Variants in KAZN observed in about 807,000 individuals in gnomAD.
KAZN encodes the protein kazrin.
Under a neutral mutation model 87.4 loss-of-function variants are expected in KAZN, and 40 were observed. That is an observed-to-expected ratio of 0.46 (90% CI 0.36 to 0.60). The LOEUF is 0.60. Among genes scored for constraint, KAZN ranks in the 20% least tolerant of loss-of-function variants. The pLI, the probability that KAZN is intolerant of heterozygous loss-of-function variation, is 0.00. For synonymous variants in KAZN, 466 were observed against 458.3 expected (o/e 1.02, Z -0.22); for missense variants, 898 against 1,073.9 (o/e 0.84, Z 2.29).
intron 2 of KAZN, among the ~76,000 whole-genome samples, chr1:14,566,491 C>T (rs1426885715): frequency 6.6e-6 from 1 of 152,230 alleles, no homozygotes; most frequent in Non-Finnish European, 1.5e-5. Context: ...AAGTCACCAG[C>T]TGCATTAGAT....
intron 1 of KAZN, among the ~76,000 whole-genome samples, chr1:14,057,732 G>A (rs1642633406): frequency 6.6e-6 from 1 of 152,178 alleles, no homozygotes; most frequent in Non-Finnish European, 1.5e-5. Context: ...GTCTGGAAAG[G>A]CAACTCAAAT....
At chr1:13,955,786 G>A (rs1641521600) in intron 1 of KAZN, among the ~76,000 whole-genome samples, 1 of 152,162 alleles carries the variant, frequency 6.6e-6, no homozygotes, top group African/African-American at 2.4e-5. Flanking sequence ...CCTACTATGT[G>A]AACATGACCT....
chr1:15,009,220 A>G (rs1433239320), intron 2 of KAZN, among the ~76,000 whole-genome samples: 1 of 152,208 alleles, frequency 6.6e-6, no homozygotes, highest in Non-Finnish European at 1.5e-5. Context: ...AAGCACGCCC[A>G]GGGTTAGAGC....
chr1:14,619,202 GT>G (rs35156508), intron 1 of KAZN, among the ~76,000 whole-genome samples: 29,850 of 146,044 alleles, frequency 0.2, 3,160 homozygotes, highest in East Asian at 0.26. Context: ...ATCATTCTTG[GT>G]TTTTTTTTTT....
intron 2 of KAZN, among the ~76,000 whole-genome samples, chr1:14,286,320 C>T (rs975109922): frequency 6.6e-6 from 1 of 152,220 alleles, no homozygotes; most frequent in Admixed American, 6.5e-5. Flanking sequence ...TCAGGACCCA[C>T]CCTAGTGACC....
In KAZN at chr1:15,066,537, T is replaced by A. The variant is rs77299536; in HGVS notation, c.1222+784T>A. The A allele has an allele frequency of 6.5e-5, 64 of 985,414 alleles. No individual in the cohort carries two copies. The East Asian group carries it at 5.2e-3, about 80-fold the overall frequency. The allele number at this position is 985,414 out of a possible 1,614,324, so 61.0% of individuals were successfully genotyped here. On this transcript the variant is annotated intron_variant, in intron 8 of 14. Transcript: ENST00000376030. This position sits in a 1 kb window ranked among gnomAD's most constrained non-coding sequence, Gnocchi z 4.3. ...TTAAACGGCCTACCAGTTTTTAAAT[T>A]GCATTGCCGTTTCTTTCTTTATGAA... is the stretch of plus-strand genomic sequence containing the variant.
At chr1:14,619,105 G>A (rs1678487671) in intron 1 of KAZN, among the ~76,000 whole-genome samples, 1 of 152,126 alleles carries the variant, frequency 6.6e-6, no homozygotes, top group South Asian at 2.1e-4. Flanking sequence ...GATTGAGAAT[G>A]CAGGGGTGGA....
At chr1:13,963,756 G>GGTGTGTGTGT (rs1185808187) in intron 1 of KAZN, among the ~76,000 whole-genome samples, 23 of 117,124 alleles carry the variant, frequency 2.0e-4, no homozygotes, top group African/African-American at 7.3e-4. Flanking sequence ...TTTCTGCTGT[G>GGTGTGTGTGT]GTCTGTGTGT....
At chr1:14,664,890 C>T (rs541616332) in intron 1 of KAZN, among the ~76,000 whole-genome samples, 6 of 152,210 alleles carry the variant, frequency 3.9e-5, no homozygotes, top group South Asian at 2.1e-4. Flanking sequence ...CTCCTGACCT[C>T]GTGATCTGCC....
At chr1:13,985,450 G>C (rs1049534388) in intron 1 of KAZN, among the ~76,000 whole-genome samples, 12 of 148,518 alleles carry the variant, frequency 8.1e-5, no homozygotes, top group African/African-American at 3.0e-4. Flanking sequence ...GTAAACTATC[G>C]CAAGAACAAA....
At chr1:14,306,317 A>T (rs1326020428) in intron 2 of KAZN, among the ~76,000 whole-genome samples, 1 of 152,068 alleles carries the variant, frequency 6.6e-6, no homozygotes, top group Non-Finnish European at 1.5e-5. Context: ...ATTGGGGTTG[A>T]CTCTGAAGGT....
At chr1:14,753,074 G>A (rs768877620) in intron 1 of KAZN, among the ~76,000 whole-genome samples, 1 of 152,138 alleles carries the variant, frequency 6.6e-6, no homozygotes, top group African/African-American at 2.4e-5. Context: ...CACAGCTCAG[G>A]GGTCAGCAAA....
intron 2 of KAZN, among the ~76,000 whole-genome samples, chr1:14,472,346 G>A (rs1668501322): frequency 6.6e-6 from 1 of 152,172 alleles, no homozygotes. Context: ...TTTTACTCTT[G>A]TTCATGTTCC....
chr1:14,744,936 C>T (rs999594546), intron 1 of KAZN, among the ~76,000 whole-genome samples: 21 of 152,270 alleles, frequency 1.4e-4, no homozygotes, highest in Admixed American at 3.3e-4. Context: ...TGCCCTGGCT[C>T]CTTGCAGCAG....
chr1:14,839,104 C>T lies in KAZN; in HGVS notation c.227-121580C>T, dbSNP rs183121903. ...TGCAGAGGTGCTTCCTAAACCTGCCCTGCCTGTCCTGCCACTTCGGAGCAC... is the reference window on the plus strand; with the variant it reads ...TGCAGAGGTGCTTCCTAAACCTGCCTTGCCTGTCCTGCCACTTCGGAGCAC... On this transcript the variant is annotated intron_variant, in intron 1 of 14. Coordinates refer to ENST00000376030, the MANE Select transcript of KAZN (RefSeq NM_201628.3). 7.6e-4 allele frequency among the ~76,000 whole-genome samples: 116 copies of T among 152,278 alleles called. 1 individual carries two copies. Among genetic ancestry groups the T allele is most frequent in the African/African-American group, 2.6e-3 (110 of 41,550 alleles).
At chr1:14,768,366 T>C (rs764173209) in intron 1 of KAZN, among the ~76,000 whole-genome samples, 2 of 152,230 alleles carry the variant, frequency 1.3e-5, no homozygotes, top group Non-Finnish European at 2.9e-5. Context: ...GTAACAACTC[T>C]GTGATGTTGT....
At chr1:14,059,827 C>T (rs1375631386) in intron 1 of KAZN, among the ~76,000 whole-genome samples, 1 of 152,204 alleles carries the variant, frequency 6.6e-6, no homozygotes, top group East Asian at 1.9e-4. Flanking sequence ...TAAGTGTTGT[C>T]TGTTTTTGGG....
At chr1:14,420,158 C>G (rs559783538) in intron 2 of KAZN, among the ~76,000 whole-genome samples, 35 of 152,270 alleles carry the variant, frequency 2.3e-4, no homozygotes, top group Admixed American at 4.6e-4. Flanking sequence ...CAAGTCCCCA[C>G]TAGAGAGGCT....
At chr1:13,905,591 G>A (rs1306390291) in intron 1 of KAZN, among the ~76,000 whole-genome samples, 2 of 152,220 alleles carry the variant, frequency 1.3e-5, no homozygotes, top group African/African-American at 4.8e-5. Context: ...TAGCTGGTGT[G>A]TGAATATGTG....
Sources: allele counts gnomAD v4.1 joint callset (sites outside exome capture counted in the v4.1 genomes callset), GRCh38; gene constraint gnomAD v4.1.1; non-coding constraint Gnocchi (gnomAD v3.1); transcripts MANE v1.5; gene names NCBI Gene and HGNC (gene_info 2026-07-23, HGNC 2026-07-21).